FNBP1L: variants seen among roughly 807,000 people sequenced by gnomAD.
FNBP1L encodes the protein formin-binding protein 1-like.
A neutral mutation model predicts 91.2 loss-of-function variants in FNBP1L; 36 were observed. The observed-to-expected ratio is 0.39, with a 90% confidence interval of 0.30 to 0.52. The LOEUF (loss-of-function observed/expected upper bound fraction) is 0.52. Ranked by LOEUF, FNBP1L falls within the 20% of genes least tolerant of loss-of-function variation. The pLI, the probability that FNBP1L is intolerant of heterozygous loss-of-function variation, is 0.66. For synonymous variants in FNBP1L, 242 were observed against 237.0 expected (o/e 1.02, Z -0.19); for missense variants, 571 against 732.1 (o/e 0.78, Z 2.54).
intron 1 of FNBP1L, among the ~76,000 whole-genome samples, chr1:93,474,414 A>G (rs1314958676): frequency 6.6e-6 from 1 of 152,158 alleles, no homozygotes; most frequent in Non-Finnish European, 1.5e-5. Flanking sequence ...GAGGAAAGAG[A>G]GCACAGACAG....
At chr1:93,530,724 T>C in intron 6 of FNBP1L, 31 bp from the exon 7 acceptor site, 2 of 1,585,506 alleles carry the variant, frequency 1.3e-6, no homozygotes, top group Non-Finnish European at 1.7e-6. Context: ...GATTTTGTTG[T>C]TGATAATAAT....
rs899927941 is a variant in FNBP1L, at chr1:93,454,314, T to TTG, written c.24+6019_24+6020dup. The stretch of plus-strand genomic sequence containing the variant: ...GCTGATTGCTTGATTCATGAACCTC[T>TTG]TGTGTGTGTGTATGGGTGTGTCTGT... On this transcript the variant is annotated intron_variant, in intron 1 of 16. Transcript: ENST00000271234. Among the ~76,000 whole-genome samples, 9 of 145,994 alleles carry TTG rather than the reference T, an allele frequency of 6.2e-5. No individual in the cohort carries two copies. The East Asian group carries it at 1.2e-3, about 20-fold the overall frequency.
Position 93,498,827 on chromosome 1 carries a change from C to T in FNBP1L, c.25-641C>T, listed in dbSNP as rs1178152500. Among the ~76,000 whole-genome samples the T allele has an allele frequency of 2.0e-5, 3 of 152,122 alleles. No homozygotes were observed. In the East Asian group the frequency reaches 5.8e-4, roughly 29 times the overall value. On this transcript the variant is annotated intron_variant, in intron 1 of 16. Coordinates refer to ENST00000271234, the MANE Select transcript of FNBP1L (RefSeq NM_001164473.3). The stretch of plus-strand genomic sequence containing the variant: ...ACATGTTTAATAACATCACCACAGT[C>T]CTATTTAGGTGGGTGATGGGACTTC...
chr1:93,491,190 C>T (rs1177877450), intron 1 of FNBP1L, among the ~76,000 whole-genome samples: 2 of 152,112 alleles, frequency 1.3e-5, no homozygotes. Context: ...AAGCAATCCT[C>T]CCACCTTGGC....
At chr1:93,485,166 AAAG>A (rs931935068) in intron 1 of FNBP1L, among the ~76,000 whole-genome samples, 1 of 151,550 alleles carries the variant, frequency 6.6e-6, no homozygotes, top group African/African-American at 2.4e-5. Flanking sequence ...AAAAAAAAAA[AAAG>A]GAAAGAAAGG....
At chr1:93,533,276 A>T (rs1671744628) in intron 8 of FNBP1L, among the ~76,000 whole-genome samples, 1 of 151,414 alleles carries the variant, frequency 6.6e-6, no homozygotes, top group Non-Finnish European at 1.5e-5. Flanking sequence ...AAAAAAAAAA[A>T]GATTTCTAAC....
chr1:93,526,920 T>C (rs1010011482), intron 5 of FNBP1L, among the ~76,000 whole-genome samples: 6 of 152,150 alleles, frequency 3.9e-5, no homozygotes, highest in African/African-American at 7.2e-5. Context: ...AGCCTATAGT[T>C]ACTTGATTGG....
chr1:93,522,863 A>G (rs754047641), intron 3 of FNBP1L, among the ~76,000 whole-genome samples: 1 of 152,172 alleles, frequency 6.6e-6, no homozygotes, highest in Admixed American at 6.5e-5. Flanking sequence ...GGTGTCAACT[A>G]TAATGGCACT....
At chr1:93,510,794 A>G (rs1371950225) in intron 2 of FNBP1L, among the ~76,000 whole-genome samples, 1 of 152,186 alleles carries the variant, frequency 6.6e-6, no homozygotes, top group African/African-American at 2.4e-5. Context: ...AGGCTCAAGA[A>G]CTACGTGAAG....
At chr1:93,545,901 A>G (rs1284596410) in intron 12 of FNBP1L, among the ~76,000 whole-genome samples, 1 of 152,098 alleles carries the variant, frequency 6.6e-6, no homozygotes, top group Non-Finnish European at 1.5e-5. Flanking sequence ...AACAATAAGA[A>G]AAAAGTTTAG....
intron 2 of FNBP1L, among the ~76,000 whole-genome samples, chr1:93,511,384 C>A (rs1178449226): frequency 3.3e-5 from 5 of 151,964 alleles, no homozygotes; most frequent in African/African-American, 1.2e-4. Context: ...GAAATAAAAT[C>A]CTTTACAGAC....
chr1:93,483,192 A>AAAG (rs1669776119), intron 1 of FNBP1L, among the ~76,000 whole-genome samples: 1 of 416 alleles, frequency 2.4e-3, no homozygotes, highest in African/African-American at 3.3e-3. Context: ...CCTGTCTCGA[A>AAAG]AAAAAAAAAA....
rs1557769177 is a variant in FNBP1L, at chr1:93,449,473, G to T, written c.24+1168G>T. ...TAACTTTTGAGTATGTGTGTGCCCA[G>T]CTAGGGTGGGAGTGAAAGCCAATGG... On this transcript the variant is annotated intron_variant, in intron 1 of 16. Transcript: ENST00000271234. 3.3e-5 allele frequency among the ~76,000 whole-genome samples: 5 copies of T among 152,350 alleles called. No homozygotes were observed. In the South Asian group the frequency reaches 1.0e-3, roughly 32 times the overall value.
intron 11 of FNBP1L, among the ~76,000 whole-genome samples, chr1:93,542,443 GAAA>G (rs61650755): frequency 4.8e-5 from 4 of 82,556 alleles, no homozygotes; most frequent in South Asian, 5.4e-4. Flanking sequence ...ATTGGTAAAT[GAAA>G]AAAAAAAAAA....
chr1:93,523,043 C>G (rs1281419860), intron 3 of FNBP1L, among the ~76,000 whole-genome samples: 148 of 152,288 alleles, frequency 9.7e-4, no homozygotes, highest in Non-Finnish European at 1.3e-4. Flanking sequence ...AAGCTCAGGC[C>G]AGTCAGTTGG....
intron 16 of FNBP1L, 195 bp downstream of exon 16, chr1:93,551,300 G>C: frequency 7.9e-7 from 1 of 1,258,112 alleles, no homozygotes; most frequent in Non-Finnish European, 1.0e-6. Flanking sequence ...AACATTTTGT[G>C]GCACTTTACT....
At chr1:93,476,231 G>A (rs1181048239) in intron 1 of FNBP1L, among the ~76,000 whole-genome samples, 1 of 152,138 alleles carries the variant, frequency 6.6e-6, no homozygotes, top group Non-Finnish European at 1.5e-5. Flanking sequence ...GCTCTTAGTA[G>A]ACTGTAAACT....
chr1:93,484,983 T>A (rs1669849081), intron 1 of FNBP1L, among the ~76,000 whole-genome samples: 1 of 152,040 alleles, frequency 6.6e-6, no homozygotes, highest in Non-Finnish European at 1.5e-5. Flanking sequence ...CAAGACACTG[T>A]CTCTACAAAT....
intron 1 of FNBP1L, among the ~76,000 whole-genome samples, chr1:93,450,862 T>C (rs1412750459): frequency 6.6e-6 from 1 of 152,204 alleles, no homozygotes; most frequent in Non-Finnish European, 1.5e-5. Context: ...TTCTTAAGTC[T>C]TATGTTAAAT....
Sources: gnomAD v4.1 joint callset for allele counts (sites outside exome capture counted in the v4.1 genomes callset) on GRCh38, gnomAD v4.1.1 for gene constraint, MANE v1.5 for transcripts, NCBI Gene and HGNC (gene_info 2026-07-23, HGNC 2026-07-21) for gene names.